TTC14: variants seen among roughly 807,000 people sequenced by gnomAD.
TTC14 encodes the protein tetratricopeptide repeat domain 14.
TTC14 carries 63 observed loss-of-function variants against 79.9 expected under a neutral mutation model. The ratio of observed to expected loss-of-function variants is 0.79; its 90% CI spans 0.64 to 0.97. TTC14 has a LOEUF of 0.97. Among genes scored for constraint, TTC14 ranks in the 50% least tolerant of loss-of-function variants. TTC14 has a pLI of 0.00. For synonymous variants in TTC14, 335 were observed against 309.6 expected (o/e 1.08, Z -0.86); for missense variants, 895 against 894.0 (o/e 1.00, Z -0.01).
chr3:180,604,014 G>A (rs1318142349), intron 3 of TTC14: 1 of 566,844 alleles, frequency 1.8e-6, no homozygotes, highest in Non-Finnish European at 3.1e-6. Flanking sequence ...CTAATGGAAA[G>A]TTTCATGAGA....
chr3:180,611,190 C>T (rs904104289), downstream of TTC14: 11 of 984,338 alleles, frequency 1.1e-5, no homozygotes, highest in African/African-American at 1.9e-4. Context: ...AATAGGAGCC[C>T]ATTTTGCTTA....
chr3:180,602,721 C>A, intron 1 of TTC14, 170 bp from the exon 2 acceptor site: 1 of 813,076 alleles, frequency 1.2e-6, no homozygotes, highest in Non-Finnish European at 1.8e-6. Context: ...CCGCTCTCCA[C>A]CTCCAGGTTG....
chr3:180,606,602 CAGTA>C lies in TTC14; in HGVS notation c.1172+4_1172+7del, dbSNP rs766087958. On this transcript the variant is annotated splice_donor_variant and splice_donor_region_variant and coding_sequence_variant and intron_variant, in exon 9 of 12. Coordinates refer to ENST00000296015, the MANE Select transcript of TTC14 (RefSeq NM_133462.4). LOFTEE classifies it high-confidence loss of function. Reference sequence around the variant, plus strand: ...CCAGACACTTGTAGAGAGAGGAGGACAGTAAGTATCAGATTTTGTTTAATAGTGG... The same window carrying C: ...CCAGACACTTGTAGAGAGAGGAGGACAGTATCAGATTTTGTTTAATAGTGG... 1.2e-6 allele frequency: 2 copies of C among 1,608,844 alleles called. No homozygotes were observed. The highest frequency in any genetic ancestry group is 1.1e-5 in the South Asian group (1 of 89,518).
At chr3:180,602,709 C>A in intron 1 of TTC14, 182 bp from the exon 2 acceptor site, 3 of 777,968 alleles carry the variant, frequency 3.9e-6, no homozygotes, top group Non-Finnish European at 5.9e-6. Flanking sequence ...TTTTAAGTTT[C>A]CCCGCTCTCC....
Position 180,605,092 on chromosome 3 carries a change from C to T in TTC14, c.857+85C>T, listed in dbSNP as rs565869656. ...GCGTTTAGCTGAAGGACGTATTTTA[C>T]CATCCTAAGCCACCTAGTAGCAGGC... On this transcript the variant is annotated intron_variant, in intron 6 of 11. Coordinates refer to ENST00000296015, the MANE Select transcript of TTC14 (RefSeq NM_133462.4). 3.7e-6 allele frequency: 5 copies of T among 1,353,780 alleles called. No homozygotes were observed. In the South Asian group the frequency reaches 7.5e-5, roughly 20 times the overall value. 83.9% of individuals were successfully genotyped at this position (1,353,780 alleles called of 1,614,324 possible). A position where few individuals can be genotyped will look rare whatever the true frequency, so the allele number is the denominator to read the frequency against.
At position 180,610,405 on chromosome 3, in the gene TTC14, G is replaced by A. The variant is rs1326689241; in HGVS notation, c.2176G>A (p.Val726Ile). Residue 726 changes from valine to isoleucine, a missense_variant, in exon 12 of 12, where the codon GTT becomes ATT. Transcript: ENST00000296015. ...DNYGEDIKTE[V>I]PEEDALSSKE... is the part of the protein sequence containing the mutation. ...TTATGGGGAGGATATCAAAACAGAG[G>A]TTCCAGAAGAAGATGCACTAAGTAG... 1 of 1,613,694 alleles carries A rather than the reference G, an allele frequency of 6.2e-7. No individual in the cohort carries two copies. Among genetic ancestry groups the A allele is most frequent in the African/African-American group, 1.3e-5 (1 of 74,890 alleles).
intron 10 of TTC14, 196 bp from the exon 11 acceptor site, chr3:180,608,505 G>A: frequency 2.6e-6 from 3 of 1,163,210 alleles, no homozygotes; most frequent in Non-Finnish European, 3.2e-6. Context: ...TGCTGTTCTG[G>A]CCATTTCAAT....
At chr3:180,608,470 A>C in intron 10 of TTC14, 1 of 1,046,632 alleles carries the variant, frequency 9.6e-7, no homozygotes, top group Non-Finnish European at 1.1e-6. Context: ...TTTTTATGGG[A>C]TACCAACTGC....
At chr3:180,605,117 C>T in intron 6 of TTC14, 110 bp downstream of exon 6, 1 of 1,072,340 alleles carries the variant, frequency 9.3e-7, no homozygotes, top group Non-Finnish European at 1.3e-6. Flanking sequence ...TAGTAGCAGG[C>T]ATATGCCAAA....
chr3:180,603,862 A>G (rs1332743533), intron 3 of TTC14: 1 of 270,044 alleles, frequency 3.7e-6, no homozygotes, highest in African/African-American at 2.3e-5. Flanking sequence ...AGCAGAAGGT[A>G]TTACAGATTG....
In TTC14 at chr3:180,604,838, T is replaced by A; in HGVS notation, c.702-14T>A. The A allele has an allele frequency of 6.3e-7, 1 of 1,587,586 alleles. No individual in the cohort carries two copies. The highest frequency in any genetic ancestry group is 8.5e-7 in the Non-Finnish European group (1 of 1,169,836). The stretch of plus-strand genomic sequence containing the variant: ...TTAGTCATTTTACAATTTTTGTGTT[T>A]GTATTTTTTTAAGGAGAAGTGTTGA... On this transcript the variant is annotated splice_polypyrimidine_tract_variant and intron_variant, in intron 5 of 11. Transcript: ENST00000296015.
intron 11 of TTC14, 63 bp downstream of exon 11, chr3:180,608,873 A>G: frequency 7.6e-7 from 1 of 1,323,872 alleles, no homozygotes; most frequent in Non-Finnish European, 9.7e-7. Context: ...CCAAAGTGCC[A>G]TACTGGAGGT....
At chr3:180,606,671 T>C (rs1716712838) in intron 9 of TTC14, 68 bp downstream of exon 9, 17 of 1,532,240 alleles carry the variant, frequency 1.1e-5, no homozygotes, top group Non-Finnish European at 1.4e-5. Context: ...ATTTTGAACT[T>C]AAGGAAATAG....
intron 12 of TTC14, chr3:180,616,569 T>G: frequency 6.2e-7 from 1 of 1,601,086 alleles, no homozygotes; most frequent in Middle Eastern, 1.7e-4. Flanking sequence ...TCTTCTATGA[T>G]ATCAACTAAC....
downstream of TTC14, among the ~76,000 whole-genome samples, chr3:180,611,480 C>T (rs1716995473): frequency 6.6e-6 from 1 of 152,196 alleles, no homozygotes; most frequent in South Asian, 2.1e-4. Context: ...TTACCACCTC[C>T]TGTGCCTTGA....
At chr3:180,616,107 C>T (rs1003453319), downstream of TTC14, among the ~76,000 whole-genome samples, 10 of 152,182 alleles carry the variant, frequency 6.6e-5, no homozygotes, top group Non-Finnish European at 1.3e-4. Flanking sequence ...GTTCTGCTGG[C>T]TGTTTCTGCA....
At chr3:180,606,980 G>C (rs955618813) in intron 9 of TTC14, among the ~76,000 whole-genome samples, 1 of 152,144 alleles carries the variant, frequency 6.6e-6, no homozygotes, top group Non-Finnish European at 1.5e-5. Flanking sequence ...TTGTATTGAT[G>C]TCTTTGAGCT....
chr3:180,606,330 TAGAC>T lies in TTC14; in HGVS notation c.1009_1012del (p.Asp337AsnfsTer8). On this transcript the variant is annotated frameshift_variant, in exon 8 of 12. Coordinates refer to ENST00000296015, the MANE Select transcript of TTC14 (RefSeq NM_133462.4). LOFTEE classifies it high-confidence loss of function. ...AATGAATACAATAAAGCTTTGGAAA[TAGAC>T]AAACAAAACGTGGAAGCTTTGGTAG... is the stretch of plus-strand genomic sequence containing the variant. 8 of 1,614,100 alleles carry T rather than the reference TAGAC, an allele frequency of 5.0e-6. No homozygotes were observed. The highest frequency in any genetic ancestry group is 6.8e-6 in the Non-Finnish European group (8 of 1,179,986).
chr3:180,602,712 C>T (rs868023389), intron 1 of TTC14, 179 bp from the exon 2 acceptor site: 1 of 781,950 alleles, frequency 1.3e-6, no homozygotes, highest in African/African-American at 1.8e-5. Context: ...TAAGTTTCCC[C>T]GCTCTCCACC....
Sources: allele counts gnomAD v4.1 joint callset (sites outside exome capture counted in the v4.1 genomes callset), GRCh38; gene constraint gnomAD v4.1.1; transcripts MANE v1.5; gene names NCBI Gene and HGNC (gene_info 2026-07-23, HGNC 2026-07-21).